The following SLC22A3 variants were observed in gnomAD, a reference collection of about 807,000 sequenced individuals.
SLC22A3 encodes EMT organic cation transporter 3.
SLC22A3 carries 51 observed loss-of-function variants against 59.1 expected under a neutral mutation model. That is an observed-to-expected ratio of 0.86 (90% CI 0.69 to 1.09). The LOEUF (loss-of-function observed/expected upper bound fraction) is 1.09, where lower values mean the gene tolerates loss of function less well. Among genes scored for constraint, SLC22A3 ranks in the 50% least tolerant of loss-of-function variants. The pLI, the probability that SLC22A3 is intolerant of heterozygous loss-of-function variation, is 0.00. For synonymous variants in SLC22A3, 325 were observed against 292.0 expected (o/e 1.11, Z -1.15); for missense variants, 711 against 726.3 (o/e 0.98, Z 0.24).
intron 5 of SLC22A3, 41 bp downstream of exon 5, chr6:160,410,887 G>T (rs1415101130): frequency 4.8e-6 from 6 of 1,249,524 alleles, no homozygotes; most frequent in Non-Finnish European, 7.0e-6. Context: ...TGCTAAAGCT[G>T]GTGAATTGAT....
chr6:160,426,546 G>C (rs1233348120), intron 5 of SLC22A3, among the ~76,000 whole-genome samples: 1 of 152,010 alleles, frequency 6.6e-6, no homozygotes, highest in Non-Finnish European at 1.5e-5. Context: ...GGAGTGTGCT[G>C]TGTGTATTCA....
chr6:160,381,769 A>C (rs1380644518), intron 1 of SLC22A3, among the ~76,000 whole-genome samples: 1 of 152,170 alleles, frequency 6.6e-6, no homozygotes, highest in Non-Finnish European at 1.5e-5. Context: ...CTGAAAACCT[A>C]CTTAGGGTGA....
intron 1 of SLC22A3, among the ~76,000 whole-genome samples, chr6:160,391,659 T>A (rs1159938821): frequency 6.6e-6 from 1 of 152,186 alleles, no homozygotes; most frequent in Non-Finnish European, 1.5e-5. Flanking sequence ...CTTCTTCTCG[T>A]CTTTAGACAG....
At chr6:160,372,641 G>A (rs151169258) in intron 1 of SLC22A3, among the ~76,000 whole-genome samples, 159 of 152,256 alleles carry the variant, frequency 1.0e-3, no homozygotes, top group South Asian at 1.7e-3. Context: ...CCAATCAAAC[G>A]TAGGTTTGGC....
intron 1 of SLC22A3, among the ~76,000 whole-genome samples, chr6:160,387,732 A>G (rs1447101120): frequency 1.3e-5 from 2 of 152,192 alleles, no homozygotes; most frequent in Admixed American, 6.5e-5. Context: ...AAATGCTGTC[A>G]GTATTTTCCA....
Position 160,442,819 on chromosome 6 carries a change from C to A in SLC22A3, c.1347C>A (p.Ala449=). 6.2e-7 allele frequency: 1 copy of A among 1,614,014 alleles called. No homozygotes were observed. Among genetic ancestry groups the A allele is most frequent in the Non-Finnish European group, 8.5e-7 (1 of 1,179,914 alleles). Residue 449 remains alanine, a synonymous_variant, in exon 8 of 11, where the codon GCC becomes GCA. Transcript: ENST00000275300. ...TGGGAAGACTAGGGATAACCATGGC[C>A]TTTGAAATTGTTTATTTGGTAAATT... ...ATLGRLGITM[A]FEIVYLVNSE...
At chr6:160,383,845 T>G (rs558908145) in intron 1 of SLC22A3, among the ~76,000 whole-genome samples, 1 of 152,338 alleles carries the variant, frequency 6.6e-6, no homozygotes, top group African/African-American at 2.4e-5. Context: ...ACTATTTACA[T>G]AGCTATGTTG....
chr6:160,384,619 T>C (rs180802290), intron 1 of SLC22A3, among the ~76,000 whole-genome samples: 85 of 152,122 alleles, frequency 5.6e-4, no homozygotes, highest in Non-Finnish European at 9.6e-4. Flanking sequence ...AAGAGGAGCA[T>C]CCAGATCCCC....
chr6:160,410,809 A>C lies in SLC22A3; in HGVS notation c.938A>C (p.Lys313Thr), dbSNP rs772465929. Residue 313 changes from lysine (K) to threonine (T), a missense_variant, in exon 5 of 11, where the codon AAG becomes ACG. Lys to Thr is a moderately conservative substitution (Grantham distance 78, BLOSUM62 -1). Transcript: ENST00000275300. ...TTACAGATCCTGAGACGCATTGCTA[A>C]GTGCAATGGGAAATACCTCTCATCA... Reference protein sequence around the residue: ...KALQILRRIAKCNGKYLSSNY... With the variant: ...KALQILRRIATCNGKYLSSNY... 6.2e-7 allele frequency: 1 copy of C among 1,611,450 alleles called. No homozygotes were observed. Among genetic ancestry groups the C allele is most frequent in the Admixed American group, 1.7e-5 (1 of 59,946 alleles).
At chr6:160,382,454 G>T (rs542521377) in intron 1 of SLC22A3, among the ~76,000 whole-genome samples, 7 of 152,342 alleles carry the variant, frequency 4.6e-5, no homozygotes, top group African/African-American at 1.7e-4. Flanking sequence ...TTAGGGATTT[G>T]TCAGTTGCTG....
chr6:160,450,140 G>A (rs1216474086), intron 10 of SLC22A3, among the ~76,000 whole-genome samples: 1 of 152,234 alleles, frequency 6.6e-6, no homozygotes, highest in East Asian at 1.9e-4. Flanking sequence ...CCCAATCCTA[G>A]TAAGCCTGAG....
At chr6:160,435,188 C>T (rs1196015274) in intron 5 of SLC22A3, among the ~76,000 whole-genome samples, 1 of 152,174 alleles carries the variant, frequency 6.6e-6, no homozygotes, top group Non-Finnish European at 1.5e-5. Flanking sequence ...TACGTATTCT[C>T]AAAAGAGGGA....
At chr6:160,396,670 C>T (rs540450611) in intron 1 of SLC22A3, among the ~76,000 whole-genome samples, 37 of 152,204 alleles carry the variant, frequency 2.4e-4, no homozygotes, top group African/African-American at 6.7e-4. Flanking sequence ...AACTTAGACT[C>T]GCTTTTGGCC....
chr6:160,397,702 T>C lies in SLC22A3; in HGVS notation c.430-277T>C, dbSNP rs412287. Among the ~76,000 whole-genome samples, 766 of 144,714 alleles carry C rather than the reference T, an allele frequency of 5.3e-3. 11 individuals are homozygous for C. The East Asian group carries it at 0.064, about 12-fold the overall frequency. 94.9% of individuals were successfully genotyped at this position (144,714 alleles called of 152,430 possible). A position where few individuals can be genotyped will look rare whatever the true frequency, so the allele number is the denominator to read the frequency against. ...TAAGCAGAGATTGCTCCACTACACT[T>C]CAGTCTGGTGACAGAGCGAGACTCC... is the stretch of plus-strand genomic sequence containing the variant. On this transcript the variant is annotated intron_variant, in intron 1 of 10. Transcript: ENST00000275300.
chr6:160,370,907 C>A (rs1221085299), intron 1 of SLC22A3, among the ~76,000 whole-genome samples: 2 of 152,190 alleles, frequency 1.3e-5, no homozygotes, highest in Non-Finnish European at 2.9e-5. Flanking sequence ...GCTTCTACCT[C>A]ATTTCTTGTG....
rs546120922 is a variant in SLC22A3, at chr6:160,356,404, G to A, written c.429+7556G>A. ...AACATGAAAGGGACAGGAAGGAATAGAACTGCTGGCTCTTTGGGGCCATAA... is the reference window on the plus strand; with the variant it reads ...AACATGAAAGGGACAGGAAGGAATAAAACTGCTGGCTCTTTGGGGCCATAA... On this transcript the variant is annotated intron_variant, in intron 1 of 10. Coordinates refer to ENST00000275300, the MANE Select transcript of SLC22A3 (RefSeq NM_021977.4). 1.6e-3 allele frequency among the ~76,000 whole-genome samples: 240 copies of A among 152,372 alleles called. 1 individual carries two copies. The highest frequency in any genetic ancestry group is 5.7e-3 in the African/African-American group (236 of 41,584).
At chr6:160,370,712 A>G (rs570120496) in intron 1 of SLC22A3, among the ~76,000 whole-genome samples, 104 of 152,346 alleles carry the variant, frequency 6.8e-4, no homozygotes, top group African/African-American at 2.4e-3. Flanking sequence ...TAAAAATAAA[A>G]TATAATAAGA....
At chr6:160,410,536 C>G (rs1787202805) in intron 4 of SLC22A3, among the ~76,000 whole-genome samples, 193 bp from the exon 5 acceptor site, 1 of 152,034 alleles carries the variant, frequency 6.6e-6, no homozygotes, top group Admixed American at 6.5e-5. Flanking sequence ...ATCCAATTAT[C>G]AAGCTAGCAT....
Position 160,353,894 on chromosome 6 carries a change from T to G in SLC22A3, c.429+5046T>G, listed in dbSNP as rs115021077. Among the ~76,000 whole-genome samples, 257 of 152,234 alleles carry G rather than the reference T, an allele frequency of 1.7e-3. 1 individual carries two copies. The highest frequency in any genetic ancestry group is 6.0e-3 in the African/African-American group (250 of 41,530). ...TCCACCAAGCACACCCTGGAGACTC[T>G]CAGAGGGGAACATTATCCCTTTATC... On this transcript the variant is annotated intron_variant, in intron 1 of 10. Transcript: ENST00000275300.
Sources: allele counts gnomAD v4.1 joint callset (sites outside exome capture counted in the v4.1 genomes callset), GRCh38; gene constraint gnomAD v4.1.1; transcripts MANE v1.5; gene names NCBI Gene and HGNC (gene_info 2026-07-23, HGNC 2026-07-21).